NUDT3: variants seen among roughly 807,000 people sequenced by gnomAD.
NUDT3 encodes the protein nudix hydrolase 3.
Under a neutral mutation model 23.6 loss-of-function variants are expected in NUDT3, and 9 were observed. That is an observed-to-expected ratio of 0.38 (90% CI 0.23 to 0.66). The LOEUF is 0.66. Ranked by LOEUF, NUDT3 falls within the 30% of genes least tolerant of loss-of-function variation. The pLI, the probability that NUDT3 is intolerant of heterozygous loss-of-function variation, is 0.52. For missense variants in NUDT3, 172 were observed against 218.5 expected, an observed-to-expected ratio of 0.79 and a Z score of 1.34; for synonymous variants, 86 against 82.6, an observed-to-expected ratio of 1.04 and a Z score of -0.22.
chr6:34,370,075 C>T (rs1764802675), intron 1 of NUDT3, among the ~76,000 whole-genome samples: 1 of 152,072 alleles, frequency 6.6e-6, no homozygotes, highest in South Asian at 2.1e-4. Context: ...ATTGGTGACT[C>T]CTCAAATAAT....
chr6:34,378,030 G>A (rs1340214135), intron 1 of NUDT3, among the ~76,000 whole-genome samples: 4 of 151,966 alleles, frequency 2.6e-5, no homozygotes, highest in Non-Finnish European at 5.9e-5. Flanking sequence ...AAAATGGCCA[G>A]GTGCAGCGGC....
intron 1 of NUDT3, among the ~76,000 whole-genome samples, chr6:34,355,031 C>G (rs1561916458): frequency 6.6e-6 from 1 of 151,802 alleles, no homozygotes; most frequent in African/African-American, 2.4e-5. Flanking sequence ...TCATTCATGC[C>G]TTACTGAACT....
At chr6:34,297,753 A>ATG (rs1561899106) in intron 2 of NUDT3, among the ~76,000 whole-genome samples, 29 of 98,186 alleles carry the variant, frequency 3.0e-4, no homozygotes, top group African/African-American at 1.4e-3. Flanking sequence ...ATATATATAT[A>ATG]TATATAATTT....
At chr6:34,365,967 G>T (rs952329800) in intron 1 of NUDT3, among the ~76,000 whole-genome samples, 1 of 152,130 alleles carries the variant, frequency 6.6e-6, no homozygotes, top group East Asian at 1.9e-4. Context: ...CTTGAGCCCC[G>T]GAGGCAGAGG....
In NUDT3 at chr6:34,364,570, C is replaced by T. The variant is rs937832678; in HGVS notation, c.100-22598G>A. Among the ~76,000 whole-genome samples the T allele has an allele frequency of 5.9e-5, 9 of 152,274 alleles. No homozygotes were observed. The South Asian group carries it at 1.9e-3, about 32-fold the overall frequency. On this transcript the variant is annotated intron_variant, in intron 1 of 4. Transcript: ENST00000607016. ...AACAACGGGAAGTCATACATAAATC[C>T]TCTCCATTCTTCACAAATACTGTAT...
intron 2 of NUDT3, among the ~76,000 whole-genome samples, chr6:34,313,102 G>A (rs1763800019): frequency 6.6e-6 from 1 of 152,098 alleles, no homozygotes; most frequent in African/African-American, 2.4e-5. Flanking sequence ...TTGAGCCTGG[G>A]AGGCAAAGCT....
intron 2 of NUDT3, among the ~76,000 whole-genome samples, chr6:34,297,731 AT>A (rs751547686): frequency 0.16 from 4,176 of 26,312 alleles, 128 homozygotes; most frequent in Middle Eastern, 0.3. Flanking sequence ...AAAAAAAAAA[AT>A]ATATATATAT....
At chr6:34,389,416 C>T (rs180997089) in intron 1 of NUDT3, among the ~76,000 whole-genome samples, 37 of 152,336 alleles carry the variant, frequency 2.4e-4, no homozygotes, top group African/African-American at 8.2e-4. Context: ...GTCAATTAAA[C>T]CTCTTTCTTT....
intron 1 of NUDT3, among the ~76,000 whole-genome samples, chr6:34,389,781 G>A (rs1469121325): frequency 2.0e-5 from 3 of 152,090 alleles, no homozygotes; most frequent in East Asian, 1.9e-4. Context: ...GGCTAACACG[G>A]TAACAACCCA....
At chr6:34,335,925 T>A (rs959615045) in intron 2 of NUDT3, among the ~76,000 whole-genome samples, 12 of 152,076 alleles carry the variant, frequency 7.9e-5, no homozygotes, top group Non-Finnish European at 1.6e-4. Context: ...TGACACATAA[T>A]AATTTTAAGT....
intron 2 of NUDT3, among the ~76,000 whole-genome samples, chr6:34,320,349 C>G (rs1344727894): frequency 6.6e-6 from 1 of 152,086 alleles, no homozygotes; most frequent in Non-Finnish European, 1.5e-5. Flanking sequence ...GCTTCAGGCT[C>G]CCAAGTAACT....
At chr6:34,335,608 T>C (rs1287067820) in intron 2 of NUDT3, among the ~76,000 whole-genome samples, 1 of 151,994 alleles carries the variant, frequency 6.6e-6, no homozygotes, top group East Asian at 1.9e-4. Flanking sequence ...TTCTGACTCA[T>C]GATTTTAAGT....
intron 4 of NUDT3, among the ~76,000 whole-genome samples, chr6:34,290,301 T>C (rs1763400419): frequency 6.6e-6 from 1 of 151,328 alleles, no homozygotes. Flanking sequence ...GGTATGATCA[T>C]AGTTCACTGC....
intron 1 of NUDT3, among the ~76,000 whole-genome samples, chr6:34,373,495 T>C (rs866086662): frequency 7.9e-5 from 12 of 152,074 alleles, no homozygotes; most frequent in African/African-American, 2.7e-4. Context: ...GAGGATAAAC[T>C]ATGAGCAGGA....
At chr6:34,366,902 A>C (rs1342205492) in intron 1 of NUDT3, among the ~76,000 whole-genome samples, 2 of 151,362 alleles carry the variant, frequency 1.3e-5, no homozygotes, top group Non-Finnish European at 2.9e-5. Flanking sequence ...AATTAAAAAA[A>C]AATTTTTTTT....
At position 34,286,833 on chromosome 6, in the gene NUDT3, C is replaced by T. The variant is rs1763341435; in HGVS notation, c.*1920G>A. ...GAGATGGAGTTTCACTCTTATCACC[C>T]AGGCTGGACGACAGTGGTGCAATCT... On this transcript the variant is annotated 3_prime_UTR_variant, in exon 5 of 5. Transcript: ENST00000607016. The T allele has an allele frequency of 6.7e-6, 1 of 149,222 alleles. No individual in the cohort carries two copies. The highest frequency in any genetic ancestry group is 1.5e-5 in the Non-Finnish European group (1 of 67,558). The allele number at this position is 149,222 out of a possible 1,614,324, so 9.2% of individuals were successfully genotyped here. A position where few individuals can be genotyped will look rare whatever the true frequency, so the allele number is the denominator to read the frequency against.
intron 4 of NUDT3, among the ~76,000 whole-genome samples, chr6:34,291,045 C>T (rs989050780): frequency 4.0e-5 from 6 of 151,752 alleles, no homozygotes; most frequent in African/African-American, 1.2e-4. Flanking sequence ...CTGCAATCTC[C>T]GCCTCCCGGG....
chr6:34,323,213 T>C (rs1763972352), intron 2 of NUDT3, among the ~76,000 whole-genome samples: 2 of 151,054 alleles, frequency 1.3e-5, no homozygotes, highest in South Asian at 4.2e-4. Context: ...CATGTGCACA[T>C]GTATCCCCCA....
intron 2 of NUDT3, among the ~76,000 whole-genome samples, chr6:34,309,421 G>A (rs1185483673): frequency 6.6e-6 from 1 of 151,730 alleles, no homozygotes; most frequent in African/African-American, 2.4e-5. Flanking sequence ...TAGGCTAAAT[G>A]CATATATTAG....
Sources: gnomAD v4.1 joint callset for allele counts (sites outside exome capture counted in the v4.1 genomes callset) on GRCh38, gnomAD v4.1.1 for gene constraint, MANE v1.5 for transcripts, NCBI Gene and HGNC (gene_info 2026-07-23, HGNC 2026-07-21) for gene names.